BTBD7: variants seen among roughly 807,000 people sequenced by gnomAD.
BTBD7 encodes BTB/POZ domain-containing protein 7.
In BTBD7, 38 loss-of-function variants were observed where a neutral mutation model predicts 99.9. That is an observed-to-expected ratio of 0.38 (90% confidence interval 0.29 to 0.50). The LOEUF is 0.50. Among genes scored for constraint, BTBD7 ranks in the 20% least tolerant of loss-of-function variants. The pLI is 0.93. For synonymous variants in BTBD7, 520 were observed against 511.4 expected (o/e 1.02, Z -0.23); for missense variants, 1,170 against 1,394.6 (o/e 0.84, Z 2.57).
At chr14:93,266,137 G>T (rs982466961) in intron 3 of BTBD7, among the ~76,000 whole-genome samples, 1 of 151,838 alleles carries the variant, frequency 6.6e-6, no homozygotes, top group South Asian at 2.1e-4. Flanking sequence ...ATGATGGTTG[G>T]CTTAACTGGA....
At chr14:93,281,163 G>A (rs560064672) in intron 3 of BTBD7, among the ~76,000 whole-genome samples, 94 of 149,706 alleles carry the variant, frequency 6.3e-4, no homozygotes, top group African/African-American at 2.1e-3. Flanking sequence ...ACTATGCCTG[G>A]CTCTTTTTTT....
chr14:93,308,561 A>G (rs2053099196), intron 1 of BTBD7, among the ~76,000 whole-genome samples: 1 of 152,248 alleles, frequency 6.6e-6, no homozygotes, highest in Non-Finnish European at 1.5e-5. Flanking sequence ...ACCCACGTTC[A>G]TAGCAAAATT....
In BTBD7 at chr14:93,240,460, G is replaced by C. The variant is rs527299328; in HGVS notation, c.*1813C>G. 2.0e-5 allele frequency: 3 copies of C among 152,758 alleles called. No individual in the cohort carries two copies. Among genetic ancestry groups the C allele is most frequent in the African/African-American group, 7.2e-5 (3 of 41,574 alleles). The allele number at this position is 152,758 out of a possible 1,614,324, so 9.5% of individuals were successfully genotyped here. A position where few individuals can be genotyped will look rare whatever the true frequency, so the allele number is the denominator to read the frequency against. ...CAATAGAAAACCTATTTACTTCAAA[G>C]TGCATGTAATTCATTTACCCGGTAG... On this transcript the variant is annotated 3_prime_UTR_variant, in exon 11 of 11. Coordinates refer to ENST00000334746, the MANE Select transcript of BTBD7 (RefSeq NM_001002860.4).
At chr14:93,332,673 C>A (rs1386196666) in intron 1 of BTBD7, 147 bp downstream of exon 1, 1 of 1,217,872 alleles carries the variant, frequency 8.2e-7, no homozygotes, top group African/African-American at 1.6e-5. Context: ...CCCCTCCCCG[C>A]CCGGCGCCCC....
At chr14:93,285,474 T>C (rs753164207) in intron 3 of BTBD7, among the ~76,000 whole-genome samples, 1 of 152,176 alleles carries the variant, frequency 6.6e-6, no homozygotes, top group Non-Finnish European at 1.5e-5. Flanking sequence ...GTGATCAAGA[T>C]GAAAAAACAA....
In BTBD7 at chr14:93,302,220, T is replaced by G. The variant is rs369958344; in HGVS notation, c.-106-6063A>C. 5.3e-5 allele frequency among the ~76,000 whole-genome samples: 8 copies of G among 152,262 alleles called. No homozygotes were observed. The East Asian group carries it at 7.7e-4, about 15-fold the overall frequency. ...GGAGTTCTTTAAGCACAAGGCATGG[T>G]TAAACAGTATGAGAGCACAGAAGAA... On this transcript the variant is annotated intron_variant, in intron 1 of 10. Transcript: ENST00000334746.
Position 93,270,682 on chromosome 14 carries a change from G to A in BTBD7, c.1163-6689C>T, listed in dbSNP as rs563824769. Among the ~76,000 whole-genome samples the A allele has an allele frequency of 3.3e-3, 490 of 148,474 alleles. 1 individual carries two copies. Among genetic ancestry groups the A allele is most frequent in the African/African-American group, 0.011 (455 of 40,154 alleles). On this transcript the variant is annotated intron_variant, in intron 3 of 10. Transcript: ENST00000334746. Reference sequence around the variant, plus strand: ...TGTACTCCAGCCTGGGCAACAGAGCGAGACTCTTGTCTCAAAAAAAAAAAA... The same window carrying A: ...TGTACTCCAGCCTGGGCAACAGAGCAAGACTCTTGTCTCAAAAAAAAAAAA...
chr14:93,304,776 T>C (rs2053051388), intron 1 of BTBD7, among the ~76,000 whole-genome samples: 1 of 152,196 alleles, frequency 6.6e-6, no homozygotes, highest in Non-Finnish European at 1.5e-5. Flanking sequence ...AGCCAAAACA[T>C]TCAGATTTTC....
At chr14:93,267,442 T>C (rs898429918) in intron 3 of BTBD7, among the ~76,000 whole-genome samples, 1 of 152,208 alleles carries the variant, frequency 6.6e-6, no homozygotes, top group African/African-American at 2.4e-5. Context: ...CTCTTGACAC[T>C]CTACATTTGC....
At chr14:93,269,299 A>T (rs1372951153) in intron 3 of BTBD7, among the ~76,000 whole-genome samples, 8 of 152,240 alleles carry the variant, frequency 5.3e-5, no homozygotes, top group Admixed American at 3.3e-4. Flanking sequence ...TGTCAAGGTT[A>T]TCAATATTGG....
At position 93,254,447 on chromosome 14, in the gene BTBD7, A is replaced by G. The variant is rs796254486; in HGVS notation, c.1609-657T>C. Among the ~76,000 whole-genome samples, 16 of 152,252 alleles carry G rather than the reference A, an allele frequency of 1.1e-4. 1 individual carries two copies. Among genetic ancestry groups the G allele is most frequent in the African/African-American group, 3.6e-4 (15 of 41,538 alleles). ...AAATTCAGTCCCCACCCAACTCCTC[A>G]AGACAAAACGAGAACATTGACATGG... On this transcript the variant is annotated intron_variant, in intron 6 of 10. Coordinates refer to ENST00000334746, the MANE Select transcript of BTBD7 (RefSeq NM_001002860.4).
At chr14:93,315,717 A>G (rs2053194623) in intron 1 of BTBD7, among the ~76,000 whole-genome samples, 2 of 152,210 alleles carry the variant, frequency 1.3e-5, no homozygotes, top group Non-Finnish European at 2.9e-5. Context: ...GTCCATCCAC[A>G]TTGTAGCATT....
rs57228905 is a variant in BTBD7, at chr14:93,300,704, T to TTGTG, written c.-106-4551_-106-4548dup. On this transcript the variant is annotated intron_variant, in intron 1 of 10. Coordinates refer to ENST00000334746, the MANE Select transcript of BTBD7 (RefSeq NM_001002860.4). ...GCGTGTGCCATCATGCCCAGCTAAT[T>TTGTG]TGTGTGTGTGTGTGTGTGTGTGTGT... Among the ~76,000 whole-genome samples, 387 of 87,050 alleles carry TTGTG rather than the reference T, an allele frequency of 4.4e-3. 3 individuals are homozygous for TTGTG. Among genetic ancestry groups the TTGTG allele is most frequent in the East Asian group, 7.9e-3 (21 of 2,668 alleles). The allele number at this position is 87,050 out of a possible 152,430, so 57.1% of individuals were successfully genotyped here.
chr14:93,331,415 G>C (rs888231945), intron 1 of BTBD7, among the ~76,000 whole-genome samples: 1 of 152,192 alleles, frequency 6.6e-6, no homozygotes. Context: ...CACACCTTTA[G>C]ATCTCTAAAA....
chr14:93,252,305 C>G (rs1329670934), intron 7 of BTBD7, among the ~76,000 whole-genome samples: 1 of 148,894 alleles, frequency 6.7e-6, no homozygotes, highest in Admixed American at 6.7e-5. Flanking sequence ...AGTGAAACTC[C>G]GTCTTAAAAA....
intron 7 of BTBD7, among the ~76,000 whole-genome samples, chr14:93,253,214 A>G (rs564670998): frequency 6.6e-6 from 1 of 152,360 alleles, no homozygotes; most frequent in South Asian, 2.1e-4. Context: ...AAAACTAAAC[A>G]TAATTCCCAA....
rs1338062741 is a variant in BTBD7, at chr14:93,239,488, C to G, written c.*2785G>C. The G allele has an allele frequency of 6.7e-6, 1 of 150,300 alleles. No homozygotes were observed. The highest frequency in any genetic ancestry group is 1.5e-5 in the Non-Finnish European group (1 of 67,720). 9.3% of individuals were successfully genotyped at this position (150,300 alleles called of 1,614,324 possible). On this transcript the variant is annotated 3_prime_UTR_variant, in exon 11 of 11. Transcript: ENST00000334746. ...TCTGAGAGCAACCTTACTCAGACTT[C>G]ACATTTATCTTAGTACAGCATTAAA...
At position 93,258,733 on chromosome 14, in the gene BTBD7, C is replaced by T. The variant is rs140384115; in HGVS notation, c.1448-1378G>A. Among the ~76,000 whole-genome samples the T allele has an allele frequency of 3.6e-3, 553 of 152,170 alleles. 4 individuals are homozygous for T. The highest frequency in any genetic ancestry group is 0.012 in the African/African-American group (516 of 41,514). On this transcript the variant is annotated intron_variant, in intron 5 of 10. Transcript: ENST00000334746. ...CCAAGTAGCTGGGATTATAGGCACC[C>T]GCCACCACACGCAGCTAATTTTTCT... is the stretch of plus-strand genomic sequence containing the variant.
intron 1 of BTBD7, among the ~76,000 whole-genome samples, chr14:93,306,222 G>A (rs545019296): frequency 6.6e-6 from 1 of 152,288 alleles, no homozygotes; most frequent in African/African-American, 2.4e-5. Flanking sequence ...TAACTGGGTG[G>A]TTACAATGCT....
Sources: allele counts gnomAD v4.1 joint callset (sites outside exome capture counted in the v4.1 genomes callset), GRCh38; gene constraint gnomAD v4.1.1; transcripts MANE v1.5; gene names NCBI Gene and HGNC (gene_info 2026-07-23, HGNC 2026-07-21).